The following VKORC1L1 variants were observed in gnomAD, a reference collection of about 807,000 sequenced individuals.
VKORC1L1 encodes vitamin K epoxide reductase complex subunit 1-like protein 1.
VKORC1L1 carries 2 observed loss-of-function variants against 18.9 expected under a neutral mutation model. The observed-to-expected ratio is 0.11, with a 90% CI of 0.04 to 0.33. The LOEUF (loss-of-function observed/expected upper bound fraction) is 0.33. VKORC1L1 is among the 10% of genes least tolerant of loss of function. The pLI is 1.00. For synonymous variants in VKORC1L1, 96 were observed against 100.0 expected (o/e 0.96, Z 0.24); for missense variants, 123 against 224.1 (o/e 0.55, Z 2.88).
rs184825653 is a variant in VKORC1L1 at position 65,887,247 on chromosome 7, C to T, written c.194+13682C>T. ...TATCATCTGTACTGTTAATTCATAA[C>T]AGTTTTCTTAAAATTTACTAAAGAA... On this transcript the variant is annotated intron_variant, in intron 1 of 2. Transcript: ENST00000360768. Among the ~76,000 whole-genome samples, 38 of 152,076 alleles carry T rather than the reference C, an allele frequency of 2.5e-4. No individual in the cohort carries two copies. The East Asian group carries it at 6.6e-3, about 26-fold the overall frequency.
intron 1 of VKORC1L1, among the ~76,000 whole-genome samples, chr7:65,891,110 T>C (rs1175408791): frequency 6.6e-5 from 10 of 151,812 alleles, no homozygotes; most frequent in African/African-American, 2.4e-4. Context: ...TTTTTTTTTT[T>C]TTTTTTTGCA....
chr7:65,911,778 G>C (rs1485028869), intron 1 of VKORC1L1, among the ~76,000 whole-genome samples: 1 of 152,146 alleles, frequency 6.6e-6, no homozygotes, highest in East Asian at 1.9e-4. Flanking sequence ...AACTGACCCT[G>C]TCGTGGATTC....
intron 1 of VKORC1L1, among the ~76,000 whole-genome samples, chr7:65,908,338 G>A (rs1026299622): frequency 1.3e-5 from 2 of 152,004 alleles, no homozygotes; most frequent in African/African-American, 4.8e-5. Context: ...GCTTGAACCC[G>A]GGAGGCAGAG....
At chr7:65,922,342 G>A (rs1323072239) in intron 1 of VKORC1L1, among the ~76,000 whole-genome samples, 3 of 150,898 alleles carry the variant, frequency 2.0e-5, no homozygotes, top group East Asian at 3.9e-4. Flanking sequence ...GTGCAGTCGC[G>A]CAATCTTGGC....
At chr7:65,924,214 G>C (rs1386437841) in intron 1 of VKORC1L1, among the ~76,000 whole-genome samples, 1 of 152,168 alleles carries the variant, frequency 6.6e-6, no homozygotes, top group Non-Finnish European at 1.5e-5. Context: ...GCTTCCCAAG[G>C]TTTTTCAAGG....
At chr7:65,932,514 C>T (rs1789875060) in intron 1 of VKORC1L1, among the ~76,000 whole-genome samples, 1 of 152,190 alleles carries the variant, frequency 6.6e-6, no homozygotes, top group African/African-American at 2.4e-5. Context: ...AGCTGCATAA[C>T]ACCAATTTTA....
chr7:65,895,512 T>TACACACACACAC (rs1439632666), intron 1 of VKORC1L1, among the ~76,000 whole-genome samples: 1 of 73,868 alleles, frequency 1.4e-5, no homozygotes, highest in Non-Finnish European at 2.8e-5. Context: ...TATATATATA[T>TACACACACACAC]ATATACACAC....
intron 1 of VKORC1L1, among the ~76,000 whole-genome samples, chr7:65,922,732 T>C (rs574065787): frequency 6.6e-6 from 1 of 152,336 alleles, no homozygotes; most frequent in South Asian, 2.1e-4. Flanking sequence ...GATTGTCTTT[T>C]GGCTTTCTTT....
At chr7:65,883,711 G>T (rs1222496365) in intron 1 of VKORC1L1, among the ~76,000 whole-genome samples, 2 of 151,634 alleles carry the variant, frequency 1.3e-5, no homozygotes, top group Admixed American at 1.3e-4. Flanking sequence ...TGTTGGCCAG[G>T]CTGGTCTCGA....
intron 1 of VKORC1L1, among the ~76,000 whole-genome samples, chr7:65,874,388 C>T (rs975724508): frequency 4.0e-5 from 6 of 151,802 alleles, no homozygotes; most frequent in African/African-American, 7.3e-5. Flanking sequence ...TTAGCATATT[C>T]GAGACCAGCA....
chr7:65,940,437 C>T (rs1790016140), intron 1 of VKORC1L1, among the ~76,000 whole-genome samples: 1 of 152,082 alleles, frequency 6.6e-6, no homozygotes, highest in African/African-American at 2.4e-5. Context: ...TGTATTTTCT[C>T]AAGGAAAGAA....
chr7:65,900,668 T>C (rs1167946675), intron 1 of VKORC1L1, among the ~76,000 whole-genome samples: 15 of 150,436 alleles, frequency 1.0e-4, no homozygotes, highest in Admixed American at 6.6e-5. Context: ...AACTGGGTGT[T>C]GTGGCACATG....
intron 2 of VKORC1L1, 49 bp from the exon 3 acceptor site, chr7:65,954,025 C>T (rs1790252510): frequency 9.9e-6 from 15 of 1,515,512 alleles, no homozygotes; most frequent in Non-Finnish European, 1.3e-5. Flanking sequence ...CTCAGAAAGC[C>T]TCTCTCCAGC....
At chr7:65,890,373 C>A (rs575912543) in intron 1 of VKORC1L1, among the ~76,000 whole-genome samples, 1 of 152,208 alleles carries the variant, frequency 6.6e-6, no homozygotes, top group South Asian at 2.1e-4. Flanking sequence ...CCTCGTGATC[C>A]GCCTGCCTCG....
intron 1 of VKORC1L1, among the ~76,000 whole-genome samples, chr7:65,942,295 G>A (rs1562655144): frequency 6.6e-6 from 1 of 151,554 alleles, no homozygotes; most frequent in Non-Finnish European, 1.5e-5. Context: ...AGACCACCCT[G>A]GCTAACACGG....
chr7:65,877,454 T>A (rs1788848686), intron 1 of VKORC1L1, among the ~76,000 whole-genome samples: 1 of 152,104 alleles, frequency 6.6e-6, no homozygotes, highest in Admixed American at 6.6e-5. Flanking sequence ...TTCAAGCGAT[T>A]CTCCTACCTC....
At chr7:65,911,658 C>T (rs1789504783) in intron 1 of VKORC1L1, among the ~76,000 whole-genome samples, 1 of 152,180 alleles carries the variant, frequency 6.6e-6, no homozygotes, top group East Asian at 1.9e-4. Context: ...GTCTTGAACT[C>T]CTGGGCTCAA....
At chr7:65,944,039 G>A (rs987742642) in intron 1 of VKORC1L1, among the ~76,000 whole-genome samples, 8 of 152,154 alleles carry the variant, frequency 5.3e-5, no homozygotes, top group African/African-American at 1.7e-4. Flanking sequence ...AGCACTTTGG[G>A]AGGCTTCAGT....
intron 1 of VKORC1L1, among the ~76,000 whole-genome samples, chr7:65,920,381 A>ATG (rs1789655472): frequency 6.6e-6 from 1 of 152,148 alleles, no homozygotes; most frequent in Non-Finnish European, 1.5e-5. Context: ...TTTTAAATAA[A>ATG]TGTTTGGGTC....
Sources: gnomAD v4.1 joint callset for allele counts (sites outside exome capture counted in the v4.1 genomes callset) on GRCh38, gnomAD v4.1.1 for gene constraint, MANE v1.5 for transcripts, NCBI Gene and HGNC (gene_info 2026-07-23, HGNC 2026-07-21) for gene names.